The following CSMD1 variants were observed in gnomAD, a reference collection of about 807,000 sequenced individuals.
The protein encoded by CSMD1 is CUB and Sushi multiple domains 1, also known as CUB and sushi domain-containing protein 1.
A neutral mutation model predicts 417.5 loss-of-function variants in CSMD1; 213 were observed. That is an observed-to-expected ratio of 0.51 (90% confidence interval 0.46 to 0.57). The LOEUF (loss-of-function observed/expected upper bound fraction) is 0.57, where lower values mean the gene tolerates loss of function less well. Among genes scored for constraint, CSMD1 ranks in the 20% least tolerant of loss-of-function variants. CSMD1 has a pLI of 0.00. For synonymous variants in CSMD1, 2,862 were observed against 1,736.8 expected, an observed-to-expected ratio of 1.65 and a Z score of -16.11; for missense variants, 6,923 against 4,529.7, an observed-to-expected ratio of 1.53 and a Z score of -15.17.
intron 2 of CSMD1, among the ~76,000 whole-genome samples, chr8:4,502,510 A>G (rs1195420685): frequency 6.6e-6 from 1 of 152,218 alleles, no homozygotes. Flanking sequence ...TGACCACGTC[A>G]TTCCATGCAA....
intron 1 of CSMD1, among the ~76,000 whole-genome samples, chr8:4,863,681 A>C (rs772866011): frequency 3.9e-5 from 6 of 152,098 alleles, no homozygotes; most frequent in Non-Finnish European, 8.8e-5. Flanking sequence ...AAATGTGTGC[A>C]TATCTTAGAT....
intron 2 of CSMD1, among the ~76,000 whole-genome samples, chr8:4,534,897 G>A (rs1158135779): frequency 6.6e-6 from 1 of 152,046 alleles, no homozygotes; most frequent in Non-Finnish European, 1.5e-5. Flanking sequence ...CAAGTAGCTG[G>A]GACTACAGGT....
intron 7 of CSMD1, among the ~76,000 whole-genome samples, chr8:3,652,024 A>G (rs1371635023): frequency 2.3e-5 from 3 of 128,982 alleles, no homozygotes; most frequent in African/African-American, 6.1e-5. Flanking sequence ...CCACCATCAG[A>G]GCACTTACTA....
intron 1 of CSMD1, among the ~76,000 whole-genome samples, chr8:4,812,451 A>G (rs996480840): frequency 6.6e-6 from 1 of 152,136 alleles, no homozygotes; most frequent in African/African-American, 2.4e-5. Flanking sequence ...AGTACTTGAA[A>G]CGTTCCCGAC....
intron 10 of CSMD1, among the ~76,000 whole-genome samples, chr8:3,519,053 C>T (rs954126918): frequency 3.9e-5 from 6 of 152,148 alleles, no homozygotes; most frequent in African/African-American, 1.4e-4. Context: ...TTTTAAAAAT[C>T]CTCTTAAAAC....
chr8:4,084,182 A>G (rs1800297431), intron 3 of CSMD1, among the ~76,000 whole-genome samples: 1 of 152,216 alleles, frequency 6.6e-6, no homozygotes, highest in Non-Finnish European at 1.5e-5. Context: ...AAAGAATTTT[A>G]AAATGTATTT....
At position 4,921,033 on chromosome 8, in the gene CSMD1, A is replaced by G. The variant is rs191303901; in HGVS notation, c.85+73299T>C. ...AAAGAAAAGAAAGAAAGGAAGAAAG[A>G]AAGGAAGGAAGAAAGAAAAGAGAAA... On this transcript the variant is annotated intron_variant, in intron 1 of 69. Coordinates refer to ENST00000635120, the MANE Select transcript of CSMD1 (RefSeq NM_033225.6). Among the ~76,000 whole-genome samples the G allele has an allele frequency of 4.3e-3, 639 of 149,130 alleles. 33 individuals are homozygous for G. Among genetic ancestry groups the G allele is most frequent in the Non-Finnish European group, 6.6e-3 (440 of 66,890 alleles).
intron 3 of CSMD1, among the ~76,000 whole-genome samples, chr8:4,389,599 T>C (rs1369099246): frequency 6.6e-6 from 1 of 152,196 alleles, no homozygotes; most frequent in Non-Finnish European, 1.5e-5. Context: ...ACATTTCAAG[T>C]GAAGTCAAAC....
At chr8:3,155,510 G>A (rs1819469963) in intron 39 of CSMD1, among the ~76,000 whole-genome samples, 1 of 151,404 alleles carries the variant, frequency 6.6e-6, no homozygotes, top group African/African-American at 2.4e-5. Flanking sequence ...TGAGACTACA[G>A]ATGGTCGCCA....
intron 36 of CSMD1, among the ~76,000 whole-genome samples, chr8:3,187,207 A>T (rs544172576): frequency 6.6e-6 from 1 of 152,232 alleles, no homozygotes; most frequent in African/African-American, 2.4e-5. Context: ...ATGCTATTAC[A>T]GTGTAATGCT....
At chr8:4,319,324 T>C (rs1298295457) in intron 3 of CSMD1, among the ~76,000 whole-genome samples, 1 of 152,138 alleles carries the variant, frequency 6.6e-6, no homozygotes, top group Non-Finnish European at 1.5e-5. Flanking sequence ...AATTAAAAAG[T>C]CTTAGCATAT....
intron 3 of CSMD1, among the ~76,000 whole-genome samples, chr8:4,198,928 G>T (rs76649640): frequency 2.0e-5 from 3 of 147,076 alleles, no homozygotes; most frequent in African/African-American, 7.9e-5. Flanking sequence ...GGTTTTTTTT[G>T]TATTTCCGTG....
chr8:3,002,465 A>T (rs1179940617), intron 52 of CSMD1, among the ~76,000 whole-genome samples: 1 of 152,210 alleles, frequency 6.6e-6, no homozygotes, highest in Non-Finnish European at 1.5e-5. Flanking sequence ...GTTTCTAGAA[A>T]CACACAAGAA....
intron 5 of CSMD1, among the ~76,000 whole-genome samples, chr8:3,839,134 G>A (rs1240271795): frequency 8.2e-6 from 1 of 122,130 alleles, no homozygotes; most frequent in East Asian, 2.3e-4. Flanking sequence ...ACTCTCTCTA[G>A]ATATATATAG....
intron 3 of CSMD1, among the ~76,000 whole-genome samples, chr8:4,037,743 C>T (rs1195980251): frequency 6.6e-6 from 1 of 152,082 alleles, no homozygotes; most frequent in Non-Finnish European, 1.5e-5. Context: ...ATGACTCTAT[C>T]AGATTTTACT....
At chr8:3,697,039 A>T (rs1421336366) in intron 7 of CSMD1, among the ~76,000 whole-genome samples, 1 of 152,170 alleles carries the variant, frequency 6.6e-6, no homozygotes, top group African/African-American at 2.4e-5. Context: ...TTCCTCTTCC[A>T]TTGAGGGCAG....
chr8:4,340,142 A>G (rs1800393015), intron 3 of CSMD1, among the ~76,000 whole-genome samples: 3 of 152,118 alleles, frequency 2.0e-5, no homozygotes, highest in Non-Finnish European at 4.4e-5. Context: ...CAGGGCTCTC[A>G]TTTAACATGT....
intron 3 of CSMD1, among the ~76,000 whole-genome samples, chr8:4,039,660 G>A (rs1335293448): frequency 2.0e-5 from 3 of 152,154 alleles, no homozygotes; most frequent in African/African-American, 7.2e-5. Flanking sequence ...AATCAGAACT[G>A]GCTGAGAATA....
At chr8:4,480,688 G>C (rs529561454) in intron 2 of CSMD1, among the ~76,000 whole-genome samples, 2 of 152,336 alleles carry the variant, frequency 1.3e-5, no homozygotes, top group South Asian at 4.1e-4. Context: ...TTGTGTAGCT[G>C]TGTATCCATC....
Sources: allele counts gnomAD v4.1 joint callset (sites outside exome capture counted in the v4.1 genomes callset), GRCh38; gene constraint gnomAD v4.1.1; transcripts MANE v1.5; gene names NCBI Gene and HGNC (gene_info 2026-07-23, HGNC 2026-07-21).